The following CD177 variants were observed in gnomAD, a reference collection of about 807,000 sequenced individuals.
CD177 encodes CD177 antigen.
A neutral mutation model predicts 38.1 loss-of-function variants in CD177; 41 were observed. That is an observed-to-expected ratio of 1.07 (90% CI 0.84 to 1.39). The LOEUF is 1.39. Ranked by LOEUF, CD177 falls within the 40% of genes most tolerant of loss-of-function variation. The probability of loss-of-function intolerance (pLI) is 0.00; values close to 1 mark genes in which losing one functional copy is unlikely to be tolerated. For missense variants in CD177, 619 were observed against 523.8 expected, an observed-to-expected ratio of 1.18 and a Z score of -1.77; for synonymous variants, 236 against 216.7, an observed-to-expected ratio of 1.09 and a Z score of -0.78.
Position 43,362,254 on chromosome 19 carries a change from C to T in CD177, c.1248C>T (p.Leu416=), listed in dbSNP as rs1334401474. The change falls in exon 9 of 9, where the codon CTC becomes CTT. Residue 416 remains leucine, a synonymous_variant. Transcript: ENST00000618265. ...GTGGGGCTGAGGGCCTGGAGTCTCT[C>T]ACTTGGGGGGTGGGGCTGGCACTGG... ...EGGGAEGLES[L]TWGVGLALAP... 1.2e-6 allele frequency: 2 copies of T among 1,609,740 alleles called. No individual in the cohort carries two copies. The highest frequency in any genetic ancestry group is 1.7e-6 in the Non-Finnish European group (2 of 1,176,268).
intron 3 of CD177, chr19:43,355,416 C>T (rs1423890804): frequency 1.0e-5 from 5 of 481,708 alleles, no homozygotes; most frequent in Admixed American, 7.0e-5. Context: ...CCAGCCAAGA[C>T]CACTTTCTGT....
rs2122256398 is a variant in CD177, at chr19:43,362,889, A to G, written c.*569A>G. On this transcript the variant is annotated 3_prime_UTR_variant, in exon 9 of 9. Coordinates refer to ENST00000618265, the MANE Select transcript of CD177 (RefSeq NM_020406.4). ...AACTGCAGGAGAGGTTAGTACAGTCATGCATTGCTTAACGACAGGGACGTG... is the reference window on the plus strand; with the variant it reads ...AACTGCAGGAGAGGTTAGTACAGTCGTGCATTGCTTAACGACAGGGACGTG... 1 of 152,472 alleles carries G rather than the reference A, an allele frequency of 6.6e-6. No homozygotes were observed. The highest frequency in any genetic ancestry group is 1.9e-4 in the East Asian group (1 of 5,186). 9.4% of individuals were successfully genotyped at this position (152,472 alleles called of 1,614,324 possible).
intron 2 of CD177, 51 bp from the exon 3 acceptor site, chr19:43,354,156 G>A (rs917860615): frequency 6.3e-7 from 1 of 1,585,328 alleles, no homozygotes; most frequent in African/African-American, 1.4e-5. Flanking sequence ...CTCCCTCCAG[G>A]ACCCTGGAGG....
chr19:43,353,987 G>A lies in CD177; in HGVS notation c.187G>A (p.Glu63Lys), dbSNP rs576931329. The change falls in exon 2 of 9, where the codon GAG becomes AAG. Residue 63 changes from glutamate to lysine, a missense_variant. Transcript: ENST00000618265. ...LGCQDTLMLI[E>K]SGPQVSLVLS... ...GTGCCAGGACACGTTGATGCTCATTGAGAGCGGTGAGAAGGCCCTGGCGTG... is the reference window on the plus strand; with the variant it reads ...GTGCCAGGACACGTTGATGCTCATTAAGAGCGGTGAGAAGGCCCTGGCGTG... 3.7e-6 allele frequency: 6 copies of A among 1,613,548 alleles called. No homozygotes were observed. The African/African-American group carries it at 6.7e-5, about 18-fold the overall frequency.
downstream of CD177, among the ~76,000 whole-genome samples, chr19:43,364,012 G>A (rs1970008945): frequency 6.6e-6 from 1 of 152,184 alleles, no homozygotes; most frequent in Admixed American, 6.5e-5. Flanking sequence ...AGTCCAGGAG[G>A]TCAAGGCTGC....
rs760013413 is a variant in CD177, at chr19:43,362,167, C to T, written c.1161C>T (p.Ile387=). Residue 387 remains isoleucine, a synonymous_variant, in exon 9 of 9, where the codon ATC becomes ATT. Coordinates refer to ENST00000618265, the MANE Select transcript of CD177 (RefSeq NM_020406.4). The part of the protein sequence containing the change: ...SSFLLNHTRQ[I]GIFSAREKRD... Reference sequence around the variant, plus strand: ...TCTTGTTGAACCACACCAGACAAATCGGGATCTTCTCTGCGCGTGAGAAGC... The same window carrying T: ...TCTTGTTGAACCACACCAGACAAATTGGGATCTTCTCTGCGCGTGAGAAGC... 6.2e-6 allele frequency: 10 copies of T among 1,613,702 alleles called. No homozygotes were observed. The highest frequency in any genetic ancestry group is 3.3e-5 in the South Asian group (3 of 91,076).
rs748887313 is a variant in CD177, at chr19:43,354,263, C to G, written c.250C>G (p.Pro84Ala). ...KGCTEAKDQE[P>A]RVTEHRMGPG... Reference sequence around the variant, plus strand: ...CTGCACGGAGGCCAAGGACCAGGAGCCCCGCGTCACTGAGCACCGGATGGG... The same window carrying G: ...CTGCACGGAGGCCAAGGACCAGGAGGCCCGCGTCACTGAGCACCGGATGGG... The change falls in exon 3 of 9, where the codon CCC becomes GCC. Residue 84 changes from proline (P) to alanine (A), a missense_variant. By Grantham distance (27) the Pro-to-Ala change is conservative. Transcript: ENST00000618265. The G allele has an allele frequency of 1.2e-6, 2 of 1,613,898 alleles. No individual in the cohort carries two copies. The highest frequency in any genetic ancestry group is 1.7e-5 in the Admixed American group (1 of 60,028).
In CD177 at chr19:43,354,367, G is replaced by A; in HGVS notation, c.354G>A (p.Pro118=). ...DFCNNLVNSL[P]LWAPQPPADP... is the part of the protein sequence containing the mutation. Reference sequence around the variant, plus strand: ...GCAACAACCTCGTTAACTCCCTCCCGCTTTGGGCCCCACAGCCCCCAGCAG... The same window carrying A: ...GCAACAACCTCGTTAACTCCCTCCCACTTTGGGCCCCACAGCCCCCAGCAG... The change falls in exon 3 of 9, where the codon CCG becomes CCA. Residue 118 remains proline, a synonymous_variant. Transcript: ENST00000618265. The A allele has an allele frequency of 1.9e-6, 3 of 1,613,856 alleles. No homozygotes were observed. Among genetic ancestry groups the A allele is most frequent in the East Asian group, 2.2e-5 (1 of 44,860 alleles).
chr19:43,362,528 C>T lies in CD177; in HGVS notation c.*208C>T, dbSNP rs138190417. ...CGGACTTGCCCTATGGGAGAGGGGA[C>T]GCTGGAGGAGTGGCTGCATGTATCT... On this transcript the variant is annotated 3_prime_UTR_variant, in exon 9 of 9. Coordinates refer to ENST00000618265, the MANE Select transcript of CD177 (RefSeq NM_020406.4). 551 of 465,294 alleles carry T rather than the reference C, an allele frequency of 1.2e-3. 2 individuals carry two copies. Among genetic ancestry groups the T allele is most frequent in the African/African-American group, 9.6e-3 (490 of 50,952 alleles). The allele number at this position is 465,294 out of a possible 1,614,324, so 28.8% of individuals were successfully genotyped here.
At chr19:43,366,080 T>C (rs1970024169), downstream of CD177, among the ~76,000 whole-genome samples, 1 of 152,192 alleles carries the variant, frequency 6.6e-6, no homozygotes, top group Non-Finnish European at 1.5e-5. Context: ...GCACTGTTAA[T>C]CTTTTGGAGC....
Position 43,354,485 on chromosome 19 carries a change from G to A in CD177, c.379+93G>A. ...CTGTTACGGAGTCCCTCCCACCCTC[G>A]CTCGCTATCCCGACCCTCGCTGGCT... On this transcript the variant is annotated intron_variant, in intron 3 of 8. Transcript: ENST00000618265. The A allele has an allele frequency of 5.2e-6, 7 of 1,357,528 alleles. No homozygotes were observed. In the South Asian group the frequency reaches 7.2e-5, roughly 14 times the overall value. The allele number at this position is 1,357,528 out of a possible 1,614,324, so 84.1% of individuals were successfully genotyped here.
At chr19:43,361,839 G>A (rs1969972389) in intron 8 of CD177, among the ~76,000 whole-genome samples, 1 of 149,690 alleles carries the variant, frequency 6.7e-6, no homozygotes, top group South Asian at 2.1e-4. Flanking sequence ...GGGGCTGGGG[G>A]CCGGGGCTCC....
chr19:43,355,414 G>A (rs1202350040), intron 3 of CD177: 8 of 478,498 alleles, frequency 1.7e-5, no homozygotes, highest in Admixed American at 1.6e-4. Flanking sequence ...ACCCAGCCAA[G>A]ACCACTTTCT....
At chr19:43,359,926 T>G (rs1230287740) in intron 5 of CD177, among the ~76,000 whole-genome samples, 39 of 149,138 alleles carry the variant, frequency 2.6e-4, no homozygotes, top group Non-Finnish European at 4.4e-5. Context: ...TCAGGCTGCC[T>G]TCCTTATTAT....
chr19:43,365,712 C>T (rs569128991), downstream of CD177, among the ~76,000 whole-genome samples: 1,450 of 147,384 alleles, frequency 9.8e-3, 8 homozygotes, highest in Non-Finnish European at 0.015. Context: ...TTCTGCTGGG[C>T]GCCAGCTCAC....
Position 43,360,408 on chromosome 19 carries a change from A to G in CD177, c.760+3A>G. On this transcript the variant is annotated splice_donor_region_variant and intron_variant, in intron 6 of 8. Transcript: ENST00000618265. Reference sequence around the variant, plus strand: ...GACGCTGCTGCTCCTAGATGTAGGTACGTGGACTGAGGTAGAAGACGAACA... The same window carrying G: ...GACGCTGCTGCTCCTAGATGTAGGTGCGTGGACTGAGGTAGAAGACGAACA... 1.9e-6 allele frequency: 3 copies of G among 1,590,640 alleles called. No homozygotes were observed. Among genetic ancestry groups the G allele is most frequent in the Non-Finnish European group, 2.6e-6 (3 of 1,168,648 alleles).
downstream of CD177, among the ~76,000 whole-genome samples, chr19:43,364,087 G>T (rs1231151265): frequency 1.3e-5 from 2 of 152,100 alleles, no homozygotes; most frequent in Non-Finnish European, 2.9e-5. Context: ...GTCTCAAGGG[G>T]GAAAAATAAA....
At chr19:43,354,780 T>A (rs2122240025) in intron 3 of CD177, among the ~76,000 whole-genome samples, 1 of 152,314 alleles carries the variant, frequency 6.6e-6, no homozygotes, top group East Asian at 1.9e-4. Context: ...GAACTGTAAC[T>A]TTCCACTTTC....
In CD177 at chr19:43,362,172, T is replaced by G. The variant is rs1275420090; in HGVS notation, c.1166T>G (p.Ile389Ser). ...TTGAACCACACCAGACAAATCGGGATCTTCTCTGCGCGTGAGAAGCGTGAT... is the reference window on the plus strand; with the variant it reads ...TTGAACCACACCAGACAAATCGGGAGCTTCTCTGCGCGTGAGAAGCGTGAT... ...FLLNHTRQIG[I>S]FSAREKRDVQ... is the part of the protein sequence containing the mutation. The change falls in exon 9 of 9, where the codon ATC becomes AGC. Residue 389 changes from isoleucine to serine, a missense_variant. By Grantham distance (142) the Ile-to-Ser change is moderately radical (BLOSUM62 -2). Transcript: ENST00000618265. 1 of 1,613,568 alleles carries G rather than the reference T, an allele frequency of 6.2e-7. No homozygotes were observed. The highest frequency in any genetic ancestry group is 1.1e-5 in the South Asian group (1 of 91,072).
Sources: allele counts gnomAD v4.1 joint callset (sites outside exome capture counted in the v4.1 genomes callset), GRCh38; gene constraint gnomAD v4.1.1; transcripts MANE v1.5; gene names NCBI Gene and HGNC (gene_info 2026-07-23, HGNC 2026-07-21).